Variants in SLC30A3 observed in about 807,000 individuals in gnomAD.
The protein encoded by SLC30A3 is solute carrier family 30 member 3.
SLC30A3 carries 20 observed loss-of-function variants against 35.6 expected under a neutral mutation model. The observed-to-expected ratio is 0.56, with a 90% CI of 0.39 to 0.82. SLC30A3 has a LOEUF of 0.82. Among genes scored for constraint, SLC30A3 ranks in the 40% least tolerant of loss-of-function variants. The probability of loss-of-function intolerance (pLI) is 0.00; values close to 1 mark genes in which losing one functional copy is unlikely to be tolerated. For synonymous variants in SLC30A3, 217 were observed against 224.7 expected (o/e 0.97, Z 0.31); for missense variants, 401 against 530.6 (o/e 0.76, Z 2.40).
At chr2:27,275,620 C>A (rs1202170291), upstream of SLC30A3, 1 of 213,282 alleles carries the variant, frequency 4.7e-6, no homozygotes, top group African/African-American at 2.3e-5. Flanking sequence ...TCAGAGCTCT[C>A]CCTTTGAGCT....
At chr2:27,275,114 C>G (rs1677949056) in intron 1 of SLC30A3, 4 of 1,166,278 alleles carry the variant, frequency 3.4e-6, no homozygotes, top group Non-Finnish European at 4.6e-6. Context: ...GCGGAGAGCC[C>G]TAAGTCCTGA....
At position 27,254,234 on chromosome 2, in the gene SLC30A3, C is replaced by G. The variant is rs548600678; in HGVS notation, c.*1078G>C. On this transcript the variant is annotated 3_prime_UTR_variant, in exon 8 of 8. Coordinates refer to ENST00000233535, the MANE Select transcript of SLC30A3 (RefSeq NM_003459.5). ...TCCCTCAAAGGGACCCAGCCTCCCTCCAGCCAGCCTGAGGCCCACTGGCAT... is the reference window on the plus strand; with the variant it reads ...TCCCTCAAAGGGACCCAGCCTCCCTGCAGCCAGCCTGAGGCCCACTGGCAT... The G allele has an allele frequency of 6.6e-6, 1 of 152,420 alleles. No individual in the cohort carries two copies. The highest frequency in any genetic ancestry group is 2.1e-4 in the South Asian group (1 of 4,826). 9.4% of individuals were successfully genotyped at this position (152,420 alleles called of 1,614,324 possible).
At chr2:27,265,253 C>A (rs1399613942), upstream of SLC30A3, among the ~76,000 whole-genome samples, 1 of 152,220 alleles carries the variant, frequency 6.6e-6, no homozygotes, top group Admixed American at 6.5e-5. The surrounding 1 kb of genome is among the most constrained non-coding windows in gnomAD (Gnocchi z 5.9). Flanking sequence ...AGCCACCAGG[C>A]GGGGAAGGCA....
In SLC30A3 at chr2:27,271,668, C is replaced by T. The variant is rs1018168691; in HGVS notation, c.-159+3509G>A. Among the ~76,000 whole-genome samples, 3 of 152,176 alleles carry T rather than the reference C, an allele frequency of 2.0e-5. No individual in the cohort carries two copies. Among genetic ancestry groups the T allele is most frequent in the Non-Finnish European group, 4.4e-5 (3 of 68,032 alleles). ...GTGTGTTCTTCCTAGGACTGAGCTGCGTGTGAGAAGAGCCCAGGCATAGAA... is the reference window on the plus strand; with the variant it reads ...GTGTGTTCTTCCTAGGACTGAGCTGTGTGTGAGAAGAGCCCAGGCATAGAA... On this transcript the variant is annotated intron_variant, in intron 1 of 5. Coordinates refer to the SLC30A3 transcript ENST00000424577. This position sits in a 1 kb window ranked among gnomAD's most constrained non-coding sequence, Gnocchi z 4.3.
intron 7 of SLC30A3, chr2:27,256,176 C>A: frequency 1.6e-6 from 1 of 607,792 alleles, no homozygotes; most frequent in Non-Finnish European, 2.9e-6. Flanking sequence ...CAGAACACTG[C>A]ATCCAGTGGA....
At chr2:27,256,739 TA>T in intron 6 of SLC30A3, 48 bp downstream of exon 6, 1 of 1,429,028 alleles carries the variant, frequency 7.0e-7, no homozygotes, top group South Asian at 1.2e-5. Flanking sequence ...ACTGCGAGAG[TA>T]AAGTCAGAGA....
At chr2:27,275,209 G>C (rs1205630927) in exon 1 of SLC30A3, 1 of 1,304,092 alleles carries the variant, frequency 7.7e-7, no homozygotes, top group Non-Finnish European at 1.0e-6. Context: ...AACCCATTGT[G>C]TTTCCTGGAG....
intron 1 of SLC30A3, among the ~76,000 whole-genome samples, chr2:27,273,092 A>T (rs1457084464): frequency 2.1e-5 from 3 of 140,860 alleles, no homozygotes; most frequent in East Asian, 2.0e-4. Flanking sequence ...ACATATACAC[A>T]GTGTGTGTGT....
chr2:27,264,071 C>T (rs773152423), upstream of SLC30A3: 2 of 1,288,572 alleles, frequency 1.6e-6, no homozygotes, highest in South Asian at 2.5e-5. This position sits in a 1 kb window ranked among gnomAD's most constrained non-coding sequence, Gnocchi z 6.1. Context: ...TCTCCCCTCG[C>T]ACCTGCCGCC....
upstream of SLC30A3, chr2:27,264,120 T>G: frequency 8.2e-7 from 1 of 1,214,850 alleles, no homozygotes; most frequent in Non-Finnish European, 1.1e-6. This position sits in a 1 kb window ranked among gnomAD's most constrained non-coding sequence, Gnocchi z 6.1. Flanking sequence ...GATTGTGCAC[T>G]CGAAGCTGTG....
intron 1 of SLC30A3, among the ~76,000 whole-genome samples, chr2:27,272,227 A>G (rs1191971879): frequency 6.6e-6 from 1 of 152,148 alleles, no homozygotes; most frequent in Non-Finnish European, 1.5e-5. Flanking sequence ...TTTCTGTATC[A>G]TGGTTTCTTC....
chr2:27,268,358 AG>A (rs1253896855), intron 1 of SLC30A3, among the ~76,000 whole-genome samples: 1 of 152,254 alleles, frequency 6.6e-6, no homozygotes, highest in African/African-American at 2.4e-5. Context: ...GAATTGATTA[AG>A]GAAAAGAACA....
intron 6 of SLC30A3, 90 bp downstream of exon 6, chr2:27,256,698 G>A (rs376314810): frequency 9.4e-6 from 12 of 1,278,650 alleles, no homozygotes; most frequent in East Asian, 4.8e-5. Flanking sequence ...CCTTCTTCCC[G>A]TACTATCTTC....
At chr2:27,274,747 GA>G (rs1294586517) in intron 1 of SLC30A3, among the ~76,000 whole-genome samples, 2 of 151,548 alleles carry the variant, frequency 1.3e-5, no homozygotes, top group Admixed American at 6.6e-5. Flanking sequence ...GTATCCTTAG[GA>G]AAAAAAATTA....
chr2:27,263,062 C>A, upstream of SLC30A3: 1 of 1,361,742 alleles, frequency 7.3e-7, no homozygotes, highest in Non-Finnish European at 9.4e-7. Context: ...CGCGCGGAGT[C>A]CGAACTGCAG....
At position 27,254,124 on chromosome 2, in the gene SLC30A3, C is replaced by G. The variant is rs1975383; in HGVS notation, c.*1188G>C. 0.056 allele frequency: 8,469 copies of G among 152,258 alleles called. 266 individuals are homozygous for G. The highest frequency in any genetic ancestry group is 0.082 in the African/African-American group (3,408 of 41,526). 9.4% of individuals were successfully genotyped at this position (152,258 alleles called of 1,614,324 possible). On this transcript the variant is annotated 3_prime_UTR_variant, in exon 8 of 8. Transcript: ENST00000233535. The stretch of plus-strand genomic sequence containing the variant: ...CTAAACCTGGACTCAGGGTTGGCTG[C>G]TATCAGGGTTGAGGGGTCCCTACCG...
Position 27,255,319 on chromosome 2 carries a change from TG to T in SLC30A3, c.1159del (p.Gln387LysfsTer78), listed in dbSNP as rs747206800. 19 of 1,613,664 alleles carry T rather than the reference TG, an allele frequency of 1.2e-5. No homozygotes were observed. The highest frequency in any genetic ancestry group is 5.0e-5 in the Admixed American group (3 of 59,974). ...TGAGGGCAGGGCCATGGCTCAGGCT[TG>T]GGGGGGTTCCTGGCAGCGCAGGCAC... Reference protein sequence around the residue: ...AQCLRCQEPPQA With the variant: ...AQCLRCQEPPXA On this transcript the variant is annotated frameshift_variant, in exon 8 of 8. Coordinates refer to ENST00000233535, the MANE Select transcript of SLC30A3 (RefSeq NM_003459.5). LOFTEE classifies it high-confidence loss of function. The surrounding 1 kb of genome is among the most constrained non-coding windows in gnomAD (Gnocchi z 5.2).
At chr2:27,264,882 C>T (rs1677428855), upstream of SLC30A3, among the ~76,000 whole-genome samples, 1 of 152,192 alleles carries the variant, frequency 6.6e-6, no homozygotes, top group Non-Finnish European at 1.5e-5. This position sits in a 1 kb window ranked among gnomAD's most constrained non-coding sequence, Gnocchi z 6.1. Context: ...TATGCCAGGG[C>T]TCTGGGTACG....
intron 1 of SLC30A3, among the ~76,000 whole-genome samples, chr2:27,268,346 G>A (rs879322268): frequency 6.6e-6 from 1 of 152,226 alleles, no homozygotes; most frequent in Non-Finnish European, 1.5e-5. Context: ...TGTTGAGTAA[G>A]TGAATTGATT....
Sources: allele counts gnomAD v4.1 joint callset (sites outside exome capture counted in the v4.1 genomes callset), GRCh38; gene constraint gnomAD v4.1.1; non-coding constraint Gnocchi (gnomAD v3.1); transcripts MANE v1.5; gene names NCBI Gene and HGNC (gene_info 2026-07-23, HGNC 2026-07-21).